Variants in SCNN1G observed in about 807,000 individuals in gnomAD.
SCNN1G encodes the protein epithelial sodium channel subunit gamma.
SCNN1G carries 27 observed loss-of-function variants against 64.6 expected under a neutral mutation model. That is an observed-to-expected ratio of 0.42 (90% CI 0.31 to 0.58). The LOEUF (loss-of-function observed/expected upper bound fraction) is 0.58. Among genes scored for constraint, SCNN1G ranks in the 20% least tolerant of loss-of-function variants. The probability of loss-of-function intolerance (pLI) is 0.18; values close to 1 mark genes in which losing one functional copy is unlikely to be tolerated. For missense variants in SCNN1G, 743 were observed against 823.4 expected, an observed-to-expected ratio of 0.90 and a Z score of 1.19; for synonymous variants, 330 against 314.2, an observed-to-expected ratio of 1.05 and a Z score of -0.53.
At chr16:23,189,162 A>G (rs144320540) in intron 2 of SCNN1G, among the ~76,000 whole-genome samples, 1 of 152,200 alleles carries the variant, frequency 6.6e-6, no homozygotes, top group Admixed American at 6.5e-5. Flanking sequence ...GAAGTCACAC[A>G]TGGGTCACCC....
At chr16:23,202,137 C>T (rs1259768053) in intron 6 of SCNN1G, among the ~76,000 whole-genome samples, 1 of 152,086 alleles carries the variant, frequency 6.6e-6, no homozygotes, top group Non-Finnish European at 1.5e-5. Flanking sequence ...GTAAGCACAA[C>T]TTTGCAATAC....
chr16:23,214,554 G>T (rs1013189698), intron 11 of SCNN1G, among the ~76,000 whole-genome samples, 158 bp from the exon 12 acceptor site: 2 of 152,188 alleles, frequency 1.3e-5, no homozygotes, highest in African/African-American at 2.4e-5. Context: ...TATGCTCTGG[G>T]GTGTAGACGG....
Position 23,213,131 on chromosome 16 carries a change from C to T in SCNN1G, c.1461C>T (p.Asp487=), listed in dbSNP as rs947612965. 2 of 1,613,794 alleles carry T rather than the reference C, an allele frequency of 1.2e-6. No homozygotes were observed. Residue 487 remains aspartate (D), a synonymous_variant, in exon 11 of 13, where the codon GAC becomes GAT. Coordinates refer to ENST00000300061, the MANE Select transcript of SCNN1G (RefSeq NM_001039.4). ...GGTTGCTGCCTGTTCTCACTTGGGA[C>T]CAAGGCCGGCAAGTAAACAAAAAGC... is the stretch of plus-strand genomic sequence containing the variant. ...EKWLLPVLTW[D]QGRQVNKKLN...
chr16:23,194,930 A>G (rs1222635460), intron 5 of SCNN1G: 1 of 153,200 alleles, frequency 6.5e-6, no homozygotes, highest in Non-Finnish European at 1.5e-5. Context: ...TCTAAGATCA[A>G]GGCACAGGCA....
intron 6 of SCNN1G, among the ~76,000 whole-genome samples, chr16:23,205,735 C>T (rs981668084): frequency 2.6e-5 from 4 of 151,416 alleles, no homozygotes; most frequent in Non-Finnish European, 5.9e-5. Flanking sequence ...CCCAGGTCTG[C>T]ACAGGTTCAA....
chr16:23,185,705 G>C (rs1959594399), intron 1 of SCNN1G, among the ~76,000 whole-genome samples: 1 of 152,194 alleles, frequency 6.6e-6, no homozygotes, highest in African/African-American at 2.4e-5. Context: ...ATGATCTAAG[G>C]TGGCTGCCGG....
rs556668367 is a variant in SCNN1G at position 23,184,581 on chromosome 16, A to G, written c.-44-1647A>G. 7.6e-4 allele frequency among the ~76,000 whole-genome samples: 115 copies of G among 152,210 alleles called. 4 individuals are homozygous for G. In the South Asian group the frequency reaches 0.024, roughly 31 times the overall value. On this transcript the variant is annotated intron_variant, in intron 1 of 12. Transcript: ENST00000300061. ...CATCCCAGCAAAATCATATCAATCT[A>G]TGGAGGGTTTAGAGCAGTTTGTCTG...
At chr16:23,183,649 C>T (rs976259223) in intron 1 of SCNN1G, among the ~76,000 whole-genome samples, 1 of 152,122 alleles carries the variant, frequency 6.6e-6, no homozygotes, top group African/African-American at 2.4e-5. Flanking sequence ...AACCTCTGTG[C>T]CTCAGTTTCC....
At chr16:23,193,708 G>A (rs1567264037) in intron 4 of SCNN1G, among the ~76,000 whole-genome samples, 1 of 152,156 alleles carries the variant, frequency 6.6e-6, no homozygotes, top group Admixed American at 6.5e-5. Context: ...TCACCTATCT[G>A]TATATGTTAG....
At chr16:23,213,194 C>T (rs1567269503) in intron 11 of SCNN1G, 31 bp downstream of exon 11, 2 of 1,514,992 alleles carry the variant, frequency 1.3e-6, no homozygotes, top group Admixed American at 1.7e-5. Context: ...TCCTCTGTCT[C>T]TTCCCACCAC....
intron 6 of SCNN1G, among the ~76,000 whole-genome samples, chr16:23,201,092 C>CT (rs947178142): frequency 6.6e-6 from 1 of 152,174 alleles, no homozygotes; most frequent in East Asian, 1.9e-4. Context: ...CTTGAAAAGA[C>CT]TTTTTTAAGA....
intron 7 of SCNN1G, among the ~76,000 whole-genome samples, chr16:23,210,967 G>A (rs566602682): frequency 2.6e-5 from 4 of 152,270 alleles, no homozygotes; most frequent in Admixed American, 2.0e-4. Context: ...GAGCCTAAAT[G>A]TTCAAGCCTG....
chr16:23,194,213 T>C lies in SCNN1G; in HGVS notation c.852T>C (p.Tyr284=), dbSNP rs1959758151. 1.9e-6 allele frequency: 3 copies of C among 1,613,958 alleles called. No individual in the cohort carries two copies. Among genetic ancestry groups the C allele is most frequent in the Non-Finnish European group, 2.5e-6 (3 of 1,179,978 alleles). ...ACCACCCGATGCATGGGAATTGCTA[T>C]ACTTTCAACAACAGAGAAAATGAGA... ...LFHHPMHGNC[Y]TFNNRENETI... The change falls in exon 5 of 13, where the codon TAT becomes TAC. Residue 284 remains tyrosine, a synonymous_variant. Transcript: ENST00000300061.
Position 23,192,403 on chromosome 16 carries a change from A to C in SCNN1G, c.670A>C (p.Asn224His). ...CACCTACACCTTCAGCTCGGGAATC[A>C]ATGCCATTCAGGAGTGGTATAAGCT... is the stretch of plus-strand genomic sequence containing the variant. ...CATYTFSSGINAIQEWYKLHY... is the reference protein window; with the variant it reads ...CATYTFSSGIHAIQEWYKLHY... The change falls in exon 4 of 13, where the codon AAT becomes CAT. Residue 224 changes from asparagine to histidine, a missense_variant. Coordinates refer to ENST00000300061, the MANE Select transcript of SCNN1G (RefSeq NM_001039.4). 6.2e-7 allele frequency: 1 copy of C among 1,614,162 alleles called. No individual in the cohort carries two copies. The highest frequency in any genetic ancestry group is 8.5e-7 in the Non-Finnish European group (1 of 1,180,000).
chr16:23,195,117 C>T (rs1459093668), intron 5 of SCNN1G: 2 of 152,148 alleles, frequency 1.3e-5, no homozygotes, highest in East Asian at 1.9e-4. Context: ...TTGTGACTTC[C>T]TTTCACCTTA....
chr16:23,214,914 C>T, intron 12 of SCNN1G, 127 bp downstream of exon 12: 1 of 1,077,336 alleles, frequency 9.3e-7, no homozygotes, highest in Non-Finnish European at 1.4e-6. Flanking sequence ...GTAGGCTAGC[C>T]AGGTCTCAGG....
intron 1 of SCNN1G, among the ~76,000 whole-genome samples, chr16:23,184,403 T>A (rs1016334689): frequency 2.0e-5 from 3 of 152,204 alleles, no homozygotes; most frequent in Non-Finnish European, 4.4e-5. Flanking sequence ...TCTCGCTAAT[T>A]TTTTTCTTTC....
In SCNN1G at chr16:23,194,208, T is replaced by G; in HGVS notation, c.847T>G (p.Cys283Gly). Residue 283 changes from cysteine (C) to glycine (G), a missense_variant, in exon 5 of 13, where the codon TGC becomes GGC. Coordinates refer to ENST00000300061, the MANE Select transcript of SCNN1G (RefSeq NM_001039.4). ...TLFHHPMHGN[C>G]YTFNNRENET... ...TTTCCACCACCCGATGCATGGGAATTGCTATACTTTCAACAACAGAGAAAA... is the reference window on the plus strand; with the variant it reads ...TTTCCACCACCCGATGCATGGGAATGGCTATACTTTCAACAACAGAGAAAA... The G allele has an allele frequency of 6.2e-6, 10 of 1,613,980 alleles. No individual in the cohort carries two copies. Among genetic ancestry groups the G allele is most frequent in the Non-Finnish European group, 7.6e-6 (9 of 1,179,942 alleles).
Position 23,182,762 on chromosome 16 carries a change from G to A in SCNN1G, c.-96G>A, listed in dbSNP as rs1178006399. 1 of 152,472 alleles carries A rather than the reference G, an allele frequency of 6.6e-6. No individual in the cohort carries two copies. Among genetic ancestry groups the A allele is most frequent in the African/African-American group, 2.4e-5 (1 of 41,474 alleles). The allele number at this position is 152,472 out of a possible 1,614,324, so 9.4% of individuals were successfully genotyped here. ...TGCCAGGGGATGCTAGCCCGAGAGC[G>A]AGCAGAGGAGCAGCGCACCCGCACG... On this transcript the variant is annotated 5_prime_UTR_variant, in exon 1 of 13. Transcript: ENST00000300061.
Sources: allele counts gnomAD v4.1 joint callset (sites outside exome capture counted in the v4.1 genomes callset), GRCh38; gene constraint gnomAD v4.1.1; transcripts MANE v1.5; gene names NCBI Gene and HGNC (gene_info 2026-07-23, HGNC 2026-07-21).